ZNRF3: variants seen among roughly 807,000 people sequenced by gnomAD.
The protein encoded by ZNRF3 is E3 ubiquitin-protein ligase ZNRF3.
Under a neutral mutation model 72.5 loss-of-function variants are expected in ZNRF3, and 23 were observed. That is an observed-to-expected ratio of 0.32 (90% CI 0.23 to 0.45). The LOEUF (loss-of-function observed/expected upper bound fraction) is 0.45, where lower values mean the gene tolerates loss of function less well. Ranked by LOEUF, ZNRF3 falls within the 20% of genes least tolerant of loss-of-function variation. The probability of loss-of-function intolerance (pLI) is 1.00; values close to 1 mark genes in which losing one functional copy is unlikely to be tolerated. For synonymous variants in ZNRF3, 610 were observed against 545.3 expected (o/e 1.12, Z -1.65); for missense variants, 1,169 against 1,272.1 (o/e 0.92, Z 1.23).
intron 1 of ZNRF3, among the ~76,000 whole-genome samples, chr22:28,931,783 T>C (rs1241242374): frequency 6.6e-6 from 1 of 152,226 alleles, no homozygotes; most frequent in African/African-American, 2.4e-5. Context: ...AACCAGATCC[T>C]AGCACATTGT....
rs1431447015 is a variant in ZNRF3 at position 29,049,187 on chromosome 22, TTG to T, written c.1016-8_1016-7del. 1.9e-6 allele frequency: 3 copies of T among 1,579,508 alleles called. No homozygotes were observed. Among genetic ancestry groups the T allele is most frequent in the Non-Finnish European group, 2.6e-6 (3 of 1,160,614 alleles). On this transcript the variant is annotated splice_polypyrimidine_tract_variant and splice_region_variant and intron_variant, in intron 7 of 8. Transcript: ENST00000544604. The surrounding 1 kb of genome is among the most constrained non-coding windows in gnomAD (Gnocchi z 5.2). Reference sequence around the variant, plus strand: ...GCCCTGCCTACTCTGTTTCCTCCACTTGTCTCCAGAACAAAAGGGAAACCCAA... The same window carrying T: ...GCCCTGCCTACTCTGTTTCCTCCACTTCTCCAGAACAAAAGGGAAACCCAA...
chr22:28,930,430 T>C (rs1212476047), intron 1 of ZNRF3, among the ~76,000 whole-genome samples: 3 of 152,152 alleles, frequency 2.0e-5, no homozygotes, highest in Admixed American at 6.5e-5. Context: ...CCCTGCCATA[T>C]TCTGAAATTC....
intron 2 of ZNRF3, 110 bp from the exon 3 acceptor site, chr22:29,042,385 A>C (rs2036979969): frequency 1.2e-6 from 1 of 802,164 alleles, no homozygotes; most frequent in Non-Finnish European, 2.1e-6. Flanking sequence ...AAGTCACCTA[A>C]GTTGGTAACT....
chr22:28,919,724 C>A (rs2034475749), intron 1 of ZNRF3, among the ~76,000 whole-genome samples: 1 of 151,690 alleles, frequency 6.6e-6, no homozygotes, highest in Admixed American at 6.6e-5. Context: ...CCAAGCTGGT[C>A]TCGAACTCCT....
rs550524024 is a variant in ZNRF3 at position 28,930,057 on chromosome 22, C to T, written c.300+45991C>T. Among the ~76,000 whole-genome samples the T allele has an allele frequency of 4.0e-4, 61 of 152,094 alleles. No homozygotes were observed. The South Asian group carries it at 6.8e-3, about 17-fold the overall frequency. On this transcript the variant is annotated intron_variant, in intron 1 of 8. Coordinates refer to ENST00000544604, the MANE Select transcript of ZNRF3 (RefSeq NM_001206998.2). ...TTGTTTTTTCAAAGCAGAACAAATA[C>T]GTATAAACACTTGTAAAGCTATCAG...
At chr22:29,021,262 A>T (rs1434117995) in intron 2 of ZNRF3, among the ~76,000 whole-genome samples, 1 of 152,024 alleles carries the variant, frequency 6.6e-6, no homozygotes, top group Non-Finnish European at 1.5e-5. Context: ...ATAAATAAAA[A>T]TAAAATAAAA....
intron 1 of ZNRF3, among the ~76,000 whole-genome samples, chr22:28,939,527 T>C (rs1294158334): frequency 2.0e-5 from 3 of 151,964 alleles, no homozygotes; most frequent in Non-Finnish European, 4.4e-5. Context: ...CCCGGTCTTT[T>C]ATCTCTAAGA....
At chr22:28,989,253 A>G (rs1476785668) in intron 2 of ZNRF3, among the ~76,000 whole-genome samples, 4 of 152,142 alleles carry the variant, frequency 2.6e-5, no homozygotes, top group Non-Finnish European at 5.9e-5. Flanking sequence ...ACACCTGAAT[A>G]AAATCATTAG....
At chr22:29,020,729 A>T in intron 2 of ZNRF3, among the ~76,000 whole-genome samples, 1 of 150,024 alleles carries the variant, frequency 6.7e-6, no homozygotes, top group East Asian at 2.0e-4. Flanking sequence ...TAACTTACCC[A>T]TTCATCCAGA....
chr22:29,009,298 G>A (rs191920594), intron 2 of ZNRF3, among the ~76,000 whole-genome samples: 28 of 152,214 alleles, frequency 1.8e-4, no homozygotes, highest in Non-Finnish European at 2.9e-4. Context: ...AACATGTGGC[G>A]TATCCCAGAG....
chr22:28,918,971 G>C (rs1276479600), intron 1 of ZNRF3, among the ~76,000 whole-genome samples: 3 of 152,232 alleles, frequency 2.0e-5, no homozygotes, highest in Admixed American at 6.5e-5. Context: ...CTACTGTAAA[G>C]CCTGCAGTTG....
chr22:28,912,913 A>G (rs1328864067), intron 1 of ZNRF3, among the ~76,000 whole-genome samples: 2 of 152,058 alleles, frequency 1.3e-5, no homozygotes, highest in African/African-American at 4.8e-5. Context: ...TGATCCACCC[A>G]TCTCGGCCTC....
chr22:29,046,645 G>A, intron 5 of ZNRF3, 71 bp from the exon 6 acceptor site: 1 of 1,420,716 alleles, frequency 7.0e-7, no homozygotes, highest in Non-Finnish European at 9.3e-7. Flanking sequence ...TGAATCGTGT[G>A]TCATGTCCCT....
At chr22:28,916,256 G>T (rs970857841) in intron 1 of ZNRF3, among the ~76,000 whole-genome samples, 1 of 152,036 alleles carries the variant, frequency 6.6e-6, no homozygotes, top group African/African-American at 2.4e-5. Context: ...TAGAGGCGAG[G>T]TCTCACTAGG....
In ZNRF3 at chr22:29,043,321, C is replaced by T. The variant is rs769747335; in HGVS notation, c.524C>T (p.Pro175Leu). Residue 175 changes from proline (P) to leucine (L), a missense_variant, in exon 4 of 9, where the codon CCG becomes CTG. By Grantham distance (98) the Pro-to-Leu change is moderately conservative. Coordinates refer to ENST00000544604, the MANE Select transcript of ZNRF3 (RefSeq NM_001206998.2). ...IDQLNQGSEDPLKRPVVYVKG... is the reference protein window; with the variant it reads ...IDQLNQGSEDLLKRPVVYVKG... The stretch of plus-strand genomic sequence containing the variant: ...TAGCTGAACCAGGGCTCTGAAGACC[C>T]GCTCAAGAGGCCGGTGGTGTATGTG... 8 of 1,613,858 alleles carry T rather than the reference C, an allele frequency of 5.0e-6. No homozygotes were observed. Among genetic ancestry groups the T allele is most frequent in the Non-Finnish European group, 5.9e-6 (7 of 1,179,990 alleles).
chr22:28,936,828 T>A (rs1157026660), intron 1 of ZNRF3, among the ~76,000 whole-genome samples: 7 of 152,180 alleles, frequency 4.6e-5, no homozygotes, highest in Non-Finnish European at 5.9e-5. Context: ...ATTCTAGGCG[T>A]CTTCTACAGT....
chr22:28,994,185 T>TTTTTTTC (rs2036008031), intron 2 of ZNRF3, among the ~76,000 whole-genome samples: 1 of 98,810 alleles, frequency 1.0e-5, no homozygotes, highest in East Asian at 3.5e-4. Flanking sequence ...TCTTTTTTTT[T>TTTTTTTC]TTTTTTTTTT....
intron 8 of ZNRF3, among the ~76,000 whole-genome samples, chr22:29,051,530 G>C (rs889166979): frequency 6.6e-5 from 10 of 151,380 alleles, no homozygotes; most frequent in Non-Finnish European, 2.9e-5. Flanking sequence ...CTTGAACCTG[G>C]TTGGCAGAGG....
intron 1 of ZNRF3, among the ~76,000 whole-genome samples, chr22:28,890,788 C>T (rs573657799): frequency 1.1e-3 from 163 of 151,380 alleles, no homozygotes; most frequent in African/African-American, 3.8e-3. Flanking sequence ...GTCAGGGTCT[C>T]ACCATGTTGC....
Sources: gnomAD v4.1 joint callset for allele counts (sites outside exome capture counted in the v4.1 genomes callset) on GRCh38, gnomAD v4.1.1 for gene constraint, Gnocchi (gnomAD v3.1) non-coding constraint, MANE v1.5 for transcripts, NCBI Gene and HGNC (gene_info 2026-07-23, HGNC 2026-07-21) for gene names.